The following ZFHX3 variants were observed in gnomAD, a reference collection of about 807,000 sequenced individuals.
ZFHX3 encodes the protein zinc finger homeobox 3.
ZFHX3 carries 42 observed loss-of-function variants against 279.1 expected under a neutral mutation model. The ratio of observed to expected loss-of-function variants is 0.15; its 90% confidence interval spans 0.12 to 0.19. The LOEUF is 0.19. Among genes scored for constraint, ZFHX3 ranks in the 10% least tolerant of loss-of-function variants. The pLI is 1.00. For missense variants in ZFHX3, 4,981 were observed against 4,754.0 expected, an observed-to-expected ratio of 1.05 and a Z score of -1.40; for synonymous variants, 2,293 against 1,957.8, an observed-to-expected ratio of 1.17 and a Z score of -4.52.
At chr16:73,624,499 T>C (rs949079234) in intron 2 of ZFHX3, among the ~76,000 whole-genome samples, 3 of 152,074 alleles carry the variant, frequency 2.0e-5, no homozygotes, top group Middle Eastern at 6.3e-3. Flanking sequence ...AGAAAGGCTT[T>C]GAGAGAGAAA....
intron 3 of ZFHX3, among the ~76,000 whole-genome samples, chr16:73,410,339 C>A (rs551512785): frequency 7.2e-4 from 109 of 152,202 alleles, no homozygotes; most frequent in African/African-American, 2.6e-3. Flanking sequence ...TCACTTGAAC[C>A]CGGGAGGCAG....
chr16:73,052,338 A>T (rs557873658), upstream of ZFHX3, among the ~76,000 whole-genome samples: 30 of 147,170 alleles, frequency 2.0e-4, 1 homozygote, highest in South Asian at 3.0e-3. Flanking sequence ...GTTGGAGTTT[A>T]TTTTTTTTTT....
At chr16:73,125,185 G>A (rs1375875567) in intron 7 of ZFHX3, 1 of 146,748 alleles carries the variant, frequency 6.8e-6, no homozygotes, top group African/African-American at 2.5e-5. Flanking sequence ...GGTGGCAGAA[G>A]AGGAATTGAG....
chr16:73,124,497 C>T (rs576564370), intron 7 of ZFHX3, among the ~76,000 whole-genome samples: 8 of 152,250 alleles, frequency 5.3e-5, no homozygotes, highest in Admixed American at 1.3e-4. Flanking sequence ...TACCCTAGAG[C>T]GATTCAGAGT....
chr16:73,346,822 G>C (rs2016132987), intron 3 of ZFHX3, among the ~76,000 whole-genome samples: 1 of 152,194 alleles, frequency 6.6e-6, no homozygotes, highest in Admixed American at 6.5e-5. Flanking sequence ...TAGCCAAAGA[G>C]ACCTGTGACC....
At chr16:73,720,707 AGTTTT>A (rs1313193591) in intron 1 of ZFHX3, among the ~76,000 whole-genome samples, 2 of 152,222 alleles carry the variant, frequency 1.3e-5, no homozygotes, top group African/African-American at 4.8e-5. Context: ...TTGTATAGTT[AGTTTT>A]GTTTTCTCTC....
At chr16:73,733,096 C>G (rs1434316265) in intron 1 of ZFHX3, among the ~76,000 whole-genome samples, 1 of 51,704 alleles carries the variant, frequency 1.9e-5, no homozygotes, top group Non-Finnish European at 5.5e-5. Context: ...CAAAAATAAG[C>G]ATTGAAATAA....
In ZFHX3 at chr16:72,787,527, G is replaced by A. The variant is rs775585054; in HGVS notation, c.10749C>T (p.Thr3583=). ...PHSACFPDPS[T]ASTSQSAAHS... ...GAGCGGCAGACTGCGAGGTAGATGC[G>A]GTGCTAGGATCGGGGAAGCAGGCAG... The change falls in exon 10 of 10, where the codon ACC becomes ACT. Residue 3583 remains threonine, a synonymous_variant. Transcript: ENST00000268489. 6.2e-6 allele frequency: 10 copies of A among 1,613,966 alleles called. 1 individual carries two copies. The highest frequency in any genetic ancestry group is 3.3e-5 in the South Asian group (3 of 91,088).
At chr16:73,751,374 A>C (rs1265912115) in intron 1 of ZFHX3, among the ~76,000 whole-genome samples, 1 of 152,230 alleles carries the variant, frequency 6.6e-6, no homozygotes, top group Non-Finnish European at 1.5e-5. Flanking sequence ...AGTATACCAG[A>C]AAAGTATTAC....
intron 2 of ZFHX3, among the ~76,000 whole-genome samples, chr16:73,637,895 T>C (rs1013148179): frequency 2.0e-5 from 3 of 152,180 alleles, no homozygotes; most frequent in Non-Finnish European, 4.4e-5. Flanking sequence ...AAAAGAATTT[T>C]AATAAAAGGG....
At chr16:73,145,571 A>T (rs1444861055) in intron 5 of ZFHX3, among the ~76,000 whole-genome samples, 1 of 152,226 alleles carries the variant, frequency 6.6e-6, no homozygotes, top group Admixed American at 6.5e-5. Flanking sequence ...GTTGGTCCCT[A>T]ACTGAAAGGC....
At chr16:73,878,552 C>T (rs1023492749) in intron 1 of ZFHX3, among the ~76,000 whole-genome samples, 13 of 152,060 alleles carry the variant, frequency 8.5e-5, no homozygotes, top group Admixed American at 2.6e-4. Context: ...ATATTTTATC[C>T]ATATGCCATA....
Position 73,785,958 on chromosome 16 carries a change from C to T in ZFHX3, c.-1608+105693G>A, listed in dbSNP as rs547499167. The stretch of plus-strand genomic sequence containing the variant: ...CGATCTTGGCTCACCACAACCTCCA[C>T]CTCCCAGGTTCAAGCGATTCTCCCA... On this transcript the variant is annotated intron_variant, in intron 1 of 17. Coordinates refer to the ZFHX3 transcript ENST00000641206. Among the ~76,000 whole-genome samples, 36 of 152,148 alleles carry T rather than the reference C, an allele frequency of 2.4e-4. 1 individual carries two copies. The South Asian group carries it at 6.0e-3, about 26-fold the overall frequency.
chr16:73,386,174 C>A (rs118172738), intron 3 of ZFHX3, among the ~76,000 whole-genome samples: 23 of 150,418 alleles, frequency 1.5e-4, no homozygotes, highest in Non-Finnish European at 3.1e-4. Flanking sequence ...CTCTCTTTCT[C>A]TCTCTGTTTC....
intron 4 of ZFHX3, among the ~76,000 whole-genome samples, chr16:72,882,011 G>A (rs962325156): frequency 6.6e-6 from 1 of 152,052 alleles, no homozygotes; most frequent in Admixed American, 6.6e-5. Context: ...TCCCTTGGGG[G>A]TCCCCATGTC....
At chr16:73,294,585 CA>C (rs1246778903) in intron 4 of ZFHX3, among the ~76,000 whole-genome samples, 2 of 152,086 alleles carry the variant, frequency 1.3e-5, no homozygotes, top group Middle Eastern at 3.2e-3. Context: ...CCGAGATGGG[CA>C]GATCACCTGA....
chr16:73,691,343 T>C (rs1317209133), intron 1 of ZFHX3, among the ~76,000 whole-genome samples: 1 of 152,198 alleles, frequency 6.6e-6, no homozygotes, highest in African/African-American at 2.4e-5. Context: ...AACAAGATTA[T>C]AGTACTGCTA....
At chr16:73,079,038 A>T (rs568777688) in intron 8 of ZFHX3, among the ~76,000 whole-genome samples, 1 of 152,124 alleles carries the variant, frequency 6.6e-6, no homozygotes, top group East Asian at 1.9e-4. Flanking sequence ...TTCATCATGA[A>T]ATATCTTTGT....
intron 3 of ZFHX3, among the ~76,000 whole-genome samples, chr16:73,359,032 G>C (rs113884727): frequency 1.0e-3 from 156 of 152,326 alleles, no homozygotes; most frequent in Middle Eastern, 3.4e-3. Flanking sequence ...AGGATGATAA[G>C]AGAGGGTATA....
Sources: allele counts gnomAD v4.1 joint callset (sites outside exome capture counted in the v4.1 genomes callset), GRCh38; gene constraint gnomAD v4.1.1; transcripts MANE v1.5; gene names NCBI Gene and HGNC (gene_info 2026-07-23, HGNC 2026-07-21).